Variants in RBMS2 observed in about 807,000 individuals in gnomAD.
RBMS2 encodes RNA-binding motif, single-stranded-interacting protein 2.
In RBMS2, 38 loss-of-function variants were observed where a neutral mutation model predicts 58.4. The ratio of observed to expected loss-of-function variants is 0.65; its 90% CI spans 0.50 to 0.85. The LOEUF (loss-of-function observed/expected upper bound fraction) is 0.85, where lower values mean the gene tolerates loss of function less well. Ranked by LOEUF, RBMS2 falls within the 40% of genes least tolerant of loss-of-function variation. RBMS2 has a pLI of 0.00. For missense variants in RBMS2, 367 were observed against 503.7 expected, an observed-to-expected ratio of 0.73 and a Z score of 2.60; for synonymous variants, 151 against 180.7, an observed-to-expected ratio of 0.84 and a Z score of 1.32.
chr12:56,574,142 G>A (rs1882783718), intron 5 of RBMS2, among the ~76,000 whole-genome samples: 1 of 151,850 alleles, frequency 6.6e-6, no homozygotes, highest in Non-Finnish European at 1.5e-5. Flanking sequence ...CGCCCAGCCA[G>A]TCCACACAAC....
intron 1 of RBMS2, among the ~76,000 whole-genome samples, chr12:56,546,369 G>A (rs1226501146): frequency 1.2e-4 from 15 of 130,250 alleles, no homozygotes; most frequent in African/African-American, 1.5e-4. Flanking sequence ...ACAATATATT[G>A]TACATTATAA....
Position 56,586,832 on chromosome 12 carries a change from GT to G in RBMS2, c.874-12del. The G allele has an allele frequency of 6.2e-7, 1 of 1,602,898 alleles. No individual in the cohort carries two copies. The highest frequency in any genetic ancestry group is 1.7e-4 in the Middle Eastern group (1 of 6,048). ...TAGTTTCCAGGCAATTAACATTTTTGTTTTTGCTTGTTTTAGAGAGTGACTC... is the reference window on the plus strand; with the variant it reads ...TAGTTTCCAGGCAATTAACATTTTTGTTTTGCTTGTTTTAGAGAGTGACTC... On this transcript the variant is annotated splice_polypyrimidine_tract_variant and intron_variant, in intron 9 of 13. Coordinates refer to ENST00000262031, the MANE Select transcript of RBMS2 (RefSeq NM_002898.4).
intron 1 of RBMS2, among the ~76,000 whole-genome samples, chr12:56,526,237 G>A (rs1399942484): frequency 6.6e-6 from 1 of 152,002 alleles, no homozygotes; most frequent in Non-Finnish European, 1.5e-5. Context: ...AACCCAGGAG[G>A]TGGATGTTGC....
At position 56,595,956 on chromosome 12, in the gene RBMS2, T is replaced by TCAA. The variant is rs1454684176; in HGVS notation, c.*6828_*6830dup. The TCAA allele has an allele frequency of 2.0e-5, 3 of 152,678 alleles. No homozygotes were observed. The highest frequency in any genetic ancestry group is 2.1e-4 in the South Asian group (1 of 4,832). The allele number at this position is 152,678 out of a possible 1,614,324, so 9.5% of individuals were successfully genotyped here. On this transcript the variant is annotated 3_prime_UTR_variant, in exon 14 of 14. Transcript: ENST00000262031. Reference sequence around the variant, plus strand: ...CTCTATCAAATGTGGTTTTTTTTATTCAACAACTGACAAGCACTTTTCTAC... The same window carrying TCAA: ...CTCTATCAAATGTGGTTTTTTTTATTCAACAACAACTGACAAGCACTTTTCTAC...
intron 9 of RBMS2, among the ~76,000 whole-genome samples, chr12:56,582,674 G>C (rs1336144507): frequency 6.6e-6 from 1 of 152,036 alleles, no homozygotes; most frequent in East Asian, 1.9e-4. Flanking sequence ...TTGTTTGTTT[G>C]TTTGTTTGTT....
intron 1 of RBMS2, among the ~76,000 whole-genome samples, chr12:56,528,837 G>A (rs1293555595): frequency 6.6e-6 from 1 of 152,100 alleles, no homozygotes; most frequent in Non-Finnish European, 1.5e-5. Flanking sequence ...GAAGGCTGAG[G>A]TGGGAGGATT....
intron 1 of RBMS2, among the ~76,000 whole-genome samples, chr12:56,547,915 G>A (rs983691192): frequency 5.3e-5 from 8 of 151,736 alleles, no homozygotes; most frequent in African/African-American, 1.9e-4. Context: ...GCCTCCCAAA[G>A]TGCTGGGATT....
At position 56,569,019 on chromosome 12, in the gene RBMS2, C is replaced by T. The variant is rs1288245355; in HGVS notation, c.278C>T (p.Thr93Ile). The change falls in exon 3 of 14, where the codon ACA (threonine) becomes ATA (isoleucine). Residue 93 changes from threonine (T) to isoleucine (I), a missense_variant. Thr to Ile is a moderately conservative substitution (Grantham distance 89, BLOSUM62 -1). Transcript: ENST00000262031. ...VSTKAILDKT[T>I]NKCKGYGFVD... ...ACTAAGGCCATACTGGACAAGACCACAAACAAATGTAAAGGTGAGAGAACA... is the reference window on the plus strand; with the variant it reads ...ACTAAGGCCATACTGGACAAGACCATAAACAAATGTAAAGGTGAGAGAACA... 1.2e-6 allele frequency: 2 copies of T among 1,612,970 alleles called. No homozygotes were observed. Among genetic ancestry groups the T allele is most frequent in the Middle Eastern group, 1.6e-4 (1 of 6,062 alleles).
At chr12:56,571,004 G>A (rs1223808756) in intron 4 of RBMS2, among the ~76,000 whole-genome samples, 1 of 152,178 alleles carries the variant, frequency 6.6e-6, no homozygotes, top group Non-Finnish European at 1.5e-5. Context: ...GAGGATTAAG[G>A]TTGCTGGTGA....
chr12:56,533,312 A>G (rs906816604), intron 1 of RBMS2, among the ~76,000 whole-genome samples: 2 of 151,354 alleles, frequency 1.3e-5, no homozygotes, highest in African/African-American at 4.9e-5. Flanking sequence ...ATGTTGCCCA[A>G]GATGGTCTCG....
chr12:56,561,758 A>ACC (rs751439284), intron 1 of RBMS2, among the ~76,000 whole-genome samples: 22 of 28,688 alleles, frequency 7.7e-4, no homozygotes, highest in East Asian at 3.0e-3. Context: ...CTCGTGATCC[A>ACC]CCCCCCCCCT....
At position 56,588,320 on chromosome 12, in the gene RBMS2, AG is replaced by A. The variant is rs1884962246; in HGVS notation, c.1091del (p.Gly364GlufsTer56). ...TYMPTAAAMQ[G>X]AYISQYTPVP... is the part of the protein sequence containing the mutation. ...ATATGCCGACGGCTGCAGCTATGCA[AG>A]GAGCTTACATCTCCCAGTACACCCC... On this transcript the variant is annotated frameshift_variant, in exon 12 of 14. Transcript: ENST00000262031. LOFTEE classifies it high-confidence loss of function. The A allele has an allele frequency of 6.2e-7, 1 of 1,613,744 alleles. No homozygotes were observed. Among genetic ancestry groups the A allele is most frequent in the Non-Finnish European group, 8.5e-7 (1 of 1,179,848 alleles).
rs559778783 is a variant in RBMS2, at chr12:56,559,981, G to T, written c.67-2436G>T. ...ACGATTTCAGCTTACTGCAACCTCC[G>T]CCTCCCAGGTTCAAGCATTTCTCCT... On this transcript the variant is annotated intron_variant, in intron 1 of 13. Coordinates refer to ENST00000262031, the MANE Select transcript of RBMS2 (RefSeq NM_002898.4). Among the ~76,000 whole-genome samples the T allele has an allele frequency of 9.9e-3, 556 of 56,076 alleles. 5 individuals are homozygous for T. The highest frequency in any genetic ancestry group is 0.02 in the African/African-American group (535 of 26,342). 36.8% of individuals were successfully genotyped at this position (56,076 alleles called of 152,430 possible).
intron 9 of RBMS2, among the ~76,000 whole-genome samples, chr12:56,585,967 G>A (rs540326211): frequency 1.6e-4 from 25 of 152,290 alleles, no homozygotes; most frequent in African/African-American, 5.3e-4. Flanking sequence ...CGGATCACTT[G>A]AGCTGAGGAG....
chr12:56,538,148 T>C (rs1875289603), intron 1 of RBMS2, among the ~76,000 whole-genome samples: 1 of 152,094 alleles, frequency 6.6e-6, no homozygotes, highest in Admixed American at 6.6e-5. Context: ...CTCTCCTGCC[T>C]CAGCCTCCCG....
chr12:56,583,512 G>A (rs1309153303), intron 9 of RBMS2, among the ~76,000 whole-genome samples: 1 of 152,146 alleles, frequency 6.6e-6, no homozygotes, highest in Non-Finnish European at 1.5e-5. Flanking sequence ...AAATTAGCTG[G>A]GCATGGTGGC....
At chr12:56,585,773 T>TA (rs1156727584) in intron 9 of RBMS2, among the ~76,000 whole-genome samples, 4 of 152,242 alleles carry the variant, frequency 2.6e-5, no homozygotes, top group African/African-American at 9.6e-5. Context: ...CTGGGCTACA[T>TA]AGTAACTCTA....
intron 1 of RBMS2, among the ~76,000 whole-genome samples, chr12:56,540,771 A>G (rs1875937994): frequency 6.6e-6 from 1 of 152,152 alleles, no homozygotes; most frequent in Non-Finnish European, 1.5e-5. Flanking sequence ...AACTTATCCA[A>G]AGTCACACAG....
chr12:56,571,971 C>A, intron 5 of RBMS2, 116 bp downstream of exon 5: 1 of 1,105,114 alleles, frequency 9.0e-7, no homozygotes, highest in Non-Finnish European at 1.2e-6. Flanking sequence ...TACTATTATT[C>A]AAAAATACTT....
Sources: gnomAD v4.1 joint callset for allele counts (sites outside exome capture counted in the v4.1 genomes callset) on GRCh38, gnomAD v4.1.1 for gene constraint, MANE v1.5 for transcripts, NCBI Gene and HGNC (gene_info 2026-07-23, HGNC 2026-07-21) for gene names.